The following FGF13 variants were observed in gnomAD, a reference collection of about 807,000 sequenced individuals.
FGF13 encodes the protein fibroblast growth factor 13, also known as fibroblast growth factor homologous factor 2.
A neutral mutation model predicts 19.5 loss-of-function variants in FGF13; 2 were observed. That is an observed-to-expected ratio of 0.10 (90% CI 0.04 to 0.32). The LOEUF is 0.32. FGF13 is among the 10% of genes least tolerant of loss of function. The pLI is 1.00. For missense variants in FGF13, 113 were observed against 192.7 expected (o/e 0.59, Z 2.45); for synonymous variants, 72 against 76.9 (o/e 0.94, Z 0.33).
intron 3 of FGF13, among the ~76,000 whole-genome samples, chrX:138,807,954 AC>A (rs1369762198): frequency 9.0e-6 from 1 of 111,565 alleles, no homozygotes; most frequent in Non-Finnish European, 1.9e-5. Flanking sequence ...GTCCTTAGAG[AC>A]CTACAAAGAG....
intron 1 of FGF13, among the ~76,000 whole-genome samples, chrX:139,042,750 G>A (rs919753569): frequency 5.4e-5 from 6 of 111,515 alleles, no homozygotes; most frequent in African/African-American, 1.6e-4. Flanking sequence ...ATGAACTGAC[G>A]TAATGTGAGA....
intron 3 of FGF13, among the ~76,000 whole-genome samples, chrX:138,817,324 T>C (rs185090818): frequency 3.3e-4 from 37 of 111,908 alleles, no homozygotes; most frequent in African/African-American, 1.1e-3. Flanking sequence ...TAGTCCTTTA[T>C]TTCCTGAAGA....
intron 1 of FGF13, among the ~76,000 whole-genome samples, chrX:138,973,369 T>C (rs1367054144): frequency 8.9e-6 from 1 of 112,493 alleles, no homozygotes; most frequent in Non-Finnish European, 1.9e-5. Context: ...ATAGTTAATA[T>C]GATTTTGGTT....
intron 1 of FGF13, among the ~76,000 whole-genome samples, chrX:139,063,382 A>G (rs1387395191): frequency 9.0e-6 from 1 of 111,188 alleles, no homozygotes; most frequent in Non-Finnish European, 1.9e-5. Context: ...TTGACCTTAC[A>G]TTTTTCTTTG....
intron 3 of FGF13, among the ~76,000 whole-genome samples, chrX:138,850,994 G>A (rs1393385804): frequency 9.0e-6 from 1 of 111,680 alleles, no homozygotes; most frequent in Non-Finnish European, 1.9e-5. Context: ...GTGGTGTTTG[G>A]TTTTCTGTTC....
At chrX:138,724,966 T>C (rs1397474965) in intron 1 of FGF13, among the ~76,000 whole-genome samples, 2 of 112,412 alleles carry the variant, frequency 1.8e-5, no homozygotes, top group African/African-American at 6.5e-5. Flanking sequence ...TTCTCTGTAC[T>C]ATATTTGCAA....
At chrX:139,166,073 T>C (rs1182874979) in intron 1 of FGF13, among the ~76,000 whole-genome samples, 1 of 111,439 alleles carries the variant, frequency 9.0e-6, no homozygotes, top group East Asian at 2.8e-4. Context: ...TGGAAGGGCA[T>C]GATTGTGTTT....
chrX:139,167,269 G>T (rs2084094247), intron 1 of FGF13, among the ~76,000 whole-genome samples: 1 of 111,617 alleles, frequency 9.0e-6, no homozygotes, highest in African/African-American at 3.3e-5. Context: ...CCCTGTACTT[G>T]GCATAGTAGC....
chrX:139,102,721 C>T (rs138219488), intron 1 of FGF13, among the ~76,000 whole-genome samples: 1,516 of 112,368 alleles, frequency 0.013, 29 homozygotes, highest in African/African-American at 0.043. Flanking sequence ...AGCCCCATCT[C>T]ATTGTGCAGC....
chrX:138,700,830 T>G (rs956804690), intron 3 of FGF13, among the ~76,000 whole-genome samples: 2 of 112,048 alleles, frequency 1.8e-5, no homozygotes, highest in Non-Finnish European at 3.8e-5. Context: ...GTGCCACATT[T>G]GGATGTATAT....
In FGF13 at chrX:138,630,525, T is replaced by A. The variant is rs958670018; in HGVS notation, c.*2325A>T. 9.2e-6 allele frequency: 1 copy of A among 108,930 alleles called. No individual in the cohort carries two copies. The highest frequency in any genetic ancestry group is 1.9e-5 in the Non-Finnish European group (1 of 52,581). 9.0% of individuals were successfully genotyped at this position (108,930 alleles called of 1,213,427 possible). ...TACCTCATGTAGGTGTGTTTAGAGC[T>A]CAGGCAGGATGAAGCAGGATGAGGA... On this transcript the variant is annotated 3_prime_UTR_variant, in exon 5 of 5. Transcript: ENST00000315930.
intron 1 of FGF13, among the ~76,000 whole-genome samples, chrX:139,090,833 T>C (rs2083435340): frequency 9.4e-6 from 1 of 106,934 alleles, no homozygotes; most frequent in African/African-American, 3.5e-5. Context: ...CCCAGCAGGC[T>C]TGGGGAAGTG....
chrX:138,951,707 T>C (rs1207278457), intron 1 of FGF13, among the ~76,000 whole-genome samples: 2 of 111,527 alleles, frequency 1.8e-5, no homozygotes, highest in African/African-American at 3.3e-5. Context: ...CCCGCTAGAA[T>C]GGCTAAAATT....
At chrX:139,086,033 G>C (rs2083401537) in intron 1 of FGF13, among the ~76,000 whole-genome samples, 1 of 112,351 alleles carries the variant, frequency 8.9e-6, no homozygotes, top group Non-Finnish European at 1.9e-5. Context: ...TACAGGAAAT[G>C]GTGATTATGC....
intron 1 of FGF13, among the ~76,000 whole-genome samples, chrX:139,123,487 T>C (rs745423181): frequency 2.7e-5 from 3 of 111,951 alleles, no homozygotes; most frequent in Non-Finnish European, 5.6e-5. Flanking sequence ...AGGCATGCTC[T>C]TGTCCAGTTG....
At chrX:139,147,446 G>T (rs2148244629) in intron 1 of FGF13, among the ~76,000 whole-genome samples, 1 of 111,861 alleles carries the variant, frequency 8.9e-6, no homozygotes, top group East Asian at 2.8e-4. Context: ...TGCAAGGGAA[G>T]CAGGACTTCC....
downstream of FGF13, among the ~76,000 whole-genome samples, chrX:138,856,379 T>C (rs996603733): frequency 2.7e-5 from 3 of 111,675 alleles, no homozygotes; most frequent in Non-Finnish European, 5.6e-5. Flanking sequence ...AAGTTTTGCT[T>C]CCAAAACTAC....
At chrX:138,883,560 A>G (rs1291530261) in intron 1 of FGF13, among the ~76,000 whole-genome samples, 1 of 111,683 alleles carries the variant, frequency 9.0e-6, no homozygotes, top group Non-Finnish European at 1.9e-5. Context: ...ACAATGGTGT[A>G]TGGGATTAAT....
chrX:138,984,964 G>T (rs764837762), intron 1 of FGF13: 2 of 329,373 alleles, frequency 6.1e-6, no homozygotes, highest in South Asian at 2.8e-5. Context: ...TAGGATAAAG[G>T]CAGTTTGGGG....
Sources: gnomAD v4.1 joint callset for allele counts (sites outside exome capture counted in the v4.1 genomes callset) on GRCh38, gnomAD v4.1.1 for gene constraint, MANE v1.5 for transcripts, NCBI Gene and HGNC (gene_info 2026-07-23, HGNC 2026-07-21) for gene names.